IGF2R: variants seen among roughly 807,000 people sequenced by gnomAD.
IGF2R encodes the protein cation-independent mannose-6-phosphate receptor.
A neutral mutation model predicts 270.6 loss-of-function variants in IGF2R; 91 were observed. The observed-to-expected ratio is 0.34, with a 90% CI of 0.28 to 0.40. IGF2R has a LOEUF of 0.40. Ranked by LOEUF, IGF2R falls within the 10% of genes least tolerant of loss-of-function variation. IGF2R has a pLI of 1.00. For synonymous variants in IGF2R, 1,316 were observed against 1,258.9 expected, an observed-to-expected ratio of 1.05 and a Z score of -0.96; for missense variants, 2,805 against 3,188.3, an observed-to-expected ratio of 0.88 and a Z score of 2.90.
chr6:160,045,692 A>G, intron 13 of IGF2R, 53 bp from the exon 14 acceptor site: 1 of 1,606,032 alleles, frequency 6.2e-7, no homozygotes, highest in East Asian at 2.2e-5. Flanking sequence ...ATGAGGTAAG[A>G]TATTTTAGGA....
At chr6:160,034,553 C>T (rs995209305) in intron 10 of IGF2R, 31 bp downstream of exon 10, 14 of 1,383,588 alleles carry the variant, frequency 1.0e-5, no homozygotes, top group Non-Finnish European at 1.4e-5. Context: ...AGCCCCTCCT[C>T]TTTGCATTCA....
chr6:160,056,843 C>CTGCTAG (rs751449146), intron 20 of IGF2R, among the ~76,000 whole-genome samples: 16 of 152,316 alleles, frequency 1.1e-4, no homozygotes, highest in Non-Finnish European at 4.4e-5. Flanking sequence ...CGGCAGATGT[C>CTGCTAG]TGACTAGTCG....
At chr6:159,969,558 G>C (rs1783575830) in intron 1 of IGF2R, among the ~76,000 whole-genome samples, 163 bp downstream of exon 1, 1 of 152,054 alleles carries the variant, frequency 6.6e-6, no homozygotes, top group Admixed American at 6.5e-5. Flanking sequence ...CGTGGTGTCC[G>C]CGAGTCCCGC....
In IGF2R at chr6:160,039,121, AT is replaced by A. The variant is rs558996207; in HGVS notation, c.1316-1437del. On this transcript the variant is annotated intron_variant, in intron 10 of 47. Coordinates refer to ENST00000356956, the MANE Select transcript of IGF2R (RefSeq NM_000876.4). Reference sequence around the variant, plus strand: ...AAATGTGTCATTAGGCGATTTTGTCATTGTGTGAACATCATAGAGTGTACTT... The same window carrying A: ...AAATGTGTCATTAGGCGATTTTGTCATGTGTGAACATCATAGAGTGTACTT... 3.5e-3 allele frequency among the ~76,000 whole-genome samples: 529 copies of A among 152,326 alleles called. 5 individuals carry two copies. Among genetic ancestry groups the A allele is most frequent in the African/African-American group, 0.012 (509 of 41,568 alleles).
At chr6:160,096,777 C>G (rs1487612015) in intron 45 of IGF2R, 152 bp downstream of exon 45, 4 of 679,340 alleles carry the variant, frequency 5.9e-6, no homozygotes, top group Non-Finnish European at 9.5e-6. Context: ...CCCACATAGT[C>G]AGTGCCCCGC....
At chr6:160,083,746 A>G (rs1779035473) in intron 39 of IGF2R, among the ~76,000 whole-genome samples, 1 of 152,240 alleles carries the variant, frequency 6.6e-6, no homozygotes, top group Non-Finnish European at 1.5e-5. Context: ...CCTTAATTTT[A>G]TACAACACAT....
At chr6:160,062,914 G>A (rs1242900113) in intron 26 of IGF2R, among the ~76,000 whole-genome samples, 1 of 150,274 alleles carries the variant, frequency 6.7e-6, no homozygotes, top group Non-Finnish European at 1.5e-5. Context: ...GTCTTTATTC[G>A]GGGACCTAGA....
chr6:160,012,776 TTTG>T (rs1295604580), intron 4 of IGF2R, among the ~76,000 whole-genome samples: 3 of 140,430 alleles, frequency 2.1e-5, no homozygotes, highest in African/African-American at 7.9e-5. Flanking sequence ...TTTTTTTTTT[TTTG>T]TTTGTTTGTT....
chr6:160,007,365 G>A (rs1023246048), intron 2 of IGF2R: 7 of 152,204 alleles, frequency 4.6e-5, no homozygotes, highest in Non-Finnish European at 7.4e-5. Context: ...AGAGCTCTGA[G>A]CCACCTCATG....
chr6:159,999,908 C>T (rs1053335663), intron 2 of IGF2R, among the ~76,000 whole-genome samples: 1 of 152,102 alleles, frequency 6.6e-6, no homozygotes, highest in Non-Finnish European at 1.5e-5. Context: ...GGAAGCCATA[C>T]AGGAGAAGAG....
chr6:160,036,911 G>T (rs1295038198), intron 10 of IGF2R, among the ~76,000 whole-genome samples: 2 of 152,148 alleles, frequency 1.3e-5, no homozygotes, highest in South Asian at 2.1e-4. Flanking sequence ...GGGAGCTAAA[G>T]CCCAGATGAG....
At chr6:159,997,935 C>T (rs1180770698) in intron 2 of IGF2R, among the ~76,000 whole-genome samples, 1 of 152,182 alleles carries the variant, frequency 6.6e-6, no homozygotes, top group African/African-American at 2.4e-5. Flanking sequence ...AGGCCCAGCT[C>T]CTGTTTGATT....
intron 29 of IGF2R, among the ~76,000 whole-genome samples, chr6:160,065,814 GTATATATATATA>G (rs59035193): frequency 0.3 from 23,393 of 79,168 alleles, 3,436 homozygotes; most frequent in Middle Eastern, 0.53. Flanking sequence ...GTGTGTGTGT[GTATATATATATA>G]TATATATATA....
Position 160,103,821 on chromosome 6 carries a change from T to C in IGF2R, c.7065+6T>C. 6.2e-7 allele frequency: 1 copy of C among 1,603,396 alleles called. No homozygotes were observed. The highest frequency in any genetic ancestry group is 1.3e-5 in the African/African-American group (1 of 74,798). On this transcript the variant is annotated splice_donor_region_variant and intron_variant, in intron 47 of 47. Transcript: ENST00000356956. ...TGTCCTACAAATACTCAAAGGTAAT[T>C]TTCTGTGGCGAGTCTCTTGAAGGCC...
At chr6:160,037,561 T>C (rs1425463178) in intron 10 of IGF2R, among the ~76,000 whole-genome samples, 1 of 152,184 alleles carries the variant, frequency 6.6e-6, no homozygotes, top group African/African-American at 2.4e-5. Flanking sequence ...TTCATGTACT[T>C]TTCAGGATGC....
chr6:160,065,814 G>GTGTGTATGTATATATATATATATATA, intron 29 of IGF2R, among the ~76,000 whole-genome samples: 3 of 78,390 alleles, frequency 3.8e-5, no homozygotes, highest in Admixed American at 3.3e-4. Flanking sequence ...GTGTGTGTGT[G>GTGTGTATGTATATATATATATATATA]TATATATATA....
intron 32 of IGF2R, 118 bp downstream of exon 32, chr6:160,072,154 G>T: frequency 7.8e-7 from 1 of 1,289,450 alleles, no homozygotes; most frequent in South Asian, 1.3e-5. Flanking sequence ...GCCCTGGGCA[G>T]AGGTGTCATG....
intron 2 of IGF2R, among the ~76,000 whole-genome samples, chr6:160,000,145 A>G (rs766816351): frequency 1.2e-4 from 18 of 152,242 alleles, no homozygotes; most frequent in African/African-American, 4.8e-5. Flanking sequence ...CAACTTCACT[A>G]ATAAGCCAGG....
intron 2 of IGF2R, among the ~76,000 whole-genome samples, chr6:159,993,169 G>T (rs1784003785): frequency 6.6e-6 from 1 of 152,140 alleles, no homozygotes; most frequent in Admixed American, 6.5e-5. Context: ...CAGATGCACA[G>T]TTTGCAAATA....
Sources: gnomAD v4.1 joint callset for allele counts (sites outside exome capture counted in the v4.1 genomes callset) on GRCh38, gnomAD v4.1.1 for gene constraint, MANE v1.5 for transcripts, NCBI Gene and HGNC (gene_info 2026-07-23, HGNC 2026-07-21) for gene names.